PITPNM2: variants seen among roughly 807,000 people sequenced by gnomAD.
PITPNM2 encodes the protein membrane-associated phosphatidylinositol transfer protein 2.
In PITPNM2, 35 loss-of-function variants were observed where a neutral mutation model predicts 132.2. The observed-to-expected ratio is 0.26, with a 90% CI of 0.20 to 0.35. The LOEUF (loss-of-function observed/expected upper bound fraction) is 0.35, where lower values mean the gene tolerates loss of function less well. PITPNM2 is among the 10% of genes least tolerant of loss of function. The pLI is 1.00. For missense variants in PITPNM2, 1,332 were observed against 1,912.0 expected, an observed-to-expected ratio of 0.70 and a Z score of 5.66; for synonymous variants, 738 against 799.2, an observed-to-expected ratio of 0.92 and a Z score of 1.29.
chr12:123,055,891 G>GACACAC (rs34425339), intron 2 of PITPNM2, among the ~76,000 whole-genome samples: 1 of 148,954 alleles, frequency 6.7e-6, no homozygotes, highest in African/African-American at 2.5e-5. Context: ...ATAGTTTGAA[G>GACACAC]ACACACACAC....
At chr12:123,034,299 C>T (rs1354738918) in intron 3 of PITPNM2, 3 of 533,072 alleles carry the variant, frequency 5.6e-6, no homozygotes, top group South Asian at 3.0e-5. Flanking sequence ...GACACAGTGC[C>T]GGAAAGCAAT....
At chr12:123,101,290 T>G (rs946924802) in intron 2 of PITPNM2, among the ~76,000 whole-genome samples, 1 of 152,238 alleles carries the variant, frequency 6.6e-6, no homozygotes, top group Non-Finnish European at 1.5e-5. Context: ...CAACCTGTGA[T>G]GCAGGACAAG....
At position 122,996,407 on chromosome 12, in the gene PITPNM2, C is replaced by G. The variant is rs763277364; in HGVS notation, c.1782+51G>C. ...ACAGGCAGGGCAGCCACCCTGGGGG[C>G]GTGCAGGAGGCTTCAGGCCTTGGGG... On this transcript the variant is annotated intron_variant, in intron 13 of 25. Transcript: ENST00000320201. The G allele has an allele frequency of 3.1e-6, 5 of 1,602,310 alleles. No homozygotes were observed. The South Asian group carries it at 4.5e-5, about 14-fold the overall frequency.
intron 2 of PITPNM2, among the ~76,000 whole-genome samples, chr12:123,053,393 CATCCCCATTTAAACTAACAGTT>C (rs999449356): frequency 1.3e-5 from 2 of 151,104 alleles, no homozygotes; most frequent in Admixed American, 1.3e-4. Flanking sequence ...TTCATTTTGA[CATCCCCATTTAAACTAACAGTT>C]ATTTAGATTT....
intron 2 of PITPNM2, among the ~76,000 whole-genome samples, chr12:123,066,188 C>T (rs896394509): frequency 6.6e-6 from 1 of 152,134 alleles, no homozygotes; most frequent in African/African-American, 2.4e-5. Flanking sequence ...GTGATGTATC[C>T]GAGAGGAGCT....
At chr12:123,132,110 G>A (rs2043277976) in intron 1 of PITPNM2, among the ~76,000 whole-genome samples, 1 of 152,214 alleles carries the variant, frequency 6.6e-6, no homozygotes, top group African/African-American at 2.4e-5. Flanking sequence ...CTGCAGCTGT[G>A]GATGCCAGGG....
At position 123,089,481 on chromosome 12, in the gene PITPNM2, G is replaced by A. The variant is rs924021191; in HGVS notation, c.-96+20904C>T. Reference sequence around the variant, plus strand: ...TAGATCCTTCTTCCTACTAGTGGGAGATGGATCCCAGTGGTGAGAAAAAAG... The same window carrying A: ...TAGATCCTTCTTCCTACTAGTGGGAAATGGATCCCAGTGGTGAGAAAAAAG... On this transcript the variant is annotated intron_variant, in intron 2 of 25. Coordinates refer to ENST00000320201, the MANE Select transcript of PITPNM2 (RefSeq NM_020845.3). 3 of 152,198 alleles carry A rather than the reference G, an allele frequency of 2.0e-5. No individual in the cohort carries two copies. The East Asian group carries it at 5.8e-4, about 29-fold the overall frequency. The allele number at this position is 152,198 out of a possible 1,614,324, so 9.4% of individuals were successfully genotyped here. A position where few individuals can be genotyped will look rare whatever the true frequency, so the allele number is the denominator to read the frequency against.
intron 2 of PITPNM2, among the ~76,000 whole-genome samples, chr12:123,055,183 G>A (rs1201254257): frequency 2.0e-5 from 3 of 152,194 alleles, no homozygotes; most frequent in Non-Finnish European, 4.4e-5. Context: ...CTGAAGTCTC[G>A]AAGTCTGTCC....
chr12:123,013,886 T>C lies in PITPNM2; in HGVS notation c.235A>G (p.Lys79Glu), dbSNP rs754477858. ...TCCTCCACCACCCGCAGGGCTGCCT[T>C]GGGCAGGATGGAGCGGAACCAGCTG... is the stretch of plus-strand genomic sequence containing the variant. ...IPSWFRSILP[K>E]AALRVVEESW... Residue 79 changes from lysine to glutamate, a missense_variant, in exon 4 of 26, where the codon AAG (lysine) becomes GAG (glutamate). Physicochemically the swap from Lys to Glu is moderately conservative, Grantham distance 56. This residue lies in a region of PITPNM2 where 83 missense variants were observed against 118.7 expected (regional missense o/e 0.70). Coordinates refer to ENST00000320201, the MANE Select transcript of PITPNM2 (RefSeq NM_020845.3). 6.2e-7 allele frequency: 1 copy of C among 1,614,226 alleles called. No individual in the cohort carries two copies. The highest frequency in any genetic ancestry group is 8.5e-7 in the Non-Finnish European group (1 of 1,180,038).
In PITPNM2 at chr12:123,150,263, C is replaced by A. The variant is rs115532040; in HGVS notation, c.-200+490G>T. ...GCACTGAGGATGGAGACGGGCCACA[C>A]CCCAACCCTGGGCCCCCGACAAGCA... On this transcript the variant is annotated intron_variant, in intron 1 of 25. Coordinates refer to ENST00000320201, the MANE Select transcript of PITPNM2 (RefSeq NM_020845.3). This position sits in a 1 kb window ranked among gnomAD's most constrained non-coding sequence, Gnocchi z 6.0. Among the ~76,000 whole-genome samples the A allele has an allele frequency of 0.02, 3,111 of 151,868 alleles. 120 individuals are homozygous for A. The highest frequency in any genetic ancestry group is 0.072 in the African/African-American group (2,971 of 41,486).
intron 1 of PITPNM2, among the ~76,000 whole-genome samples, chr12:123,133,626 GATA>G (rs2043310787): frequency 6.6e-6 from 1 of 152,268 alleles, no homozygotes; most frequent in East Asian, 1.9e-4. Context: ...AATCTTCCAT[GATA>G]ATGTTTGGAA....
intron 3 of PITPNM2, among the ~76,000 whole-genome samples, chr12:123,030,692 CAAA>C (rs36106584): frequency 3.8e-5 from 4 of 104,750 alleles, no homozygotes; most frequent in African/African-American, 3.7e-5. Context: ...GACTCCATCT[CAAA>C]AAAAAAAAAA....
chr12:123,098,201 C>T (rs1482952566), intron 2 of PITPNM2, among the ~76,000 whole-genome samples: 2 of 152,128 alleles, frequency 1.3e-5, no homozygotes, highest in South Asian at 2.1e-4. Flanking sequence ...CTGGGATGAG[C>T]GCTGGCCCAC....
chr12:123,020,659 C>A (rs570069037), intron 3 of PITPNM2, among the ~76,000 whole-genome samples: 1 of 151,990 alleles, frequency 6.6e-6, no homozygotes, highest in South Asian at 2.1e-4. Context: ...AGGTACTTAG[C>A]GGCTTTATGA....
intron 2 of PITPNM2, among the ~76,000 whole-genome samples, chr12:123,054,154 CA>C (rs1235926977): frequency 6.6e-6 from 1 of 152,068 alleles, no homozygotes; most frequent in African/African-American, 2.4e-5. Context: ...TACACTCTGT[CA>C]CCCAGACTGG....
Position 122,995,780 on chromosome 12 carries a change from C to A in PITPNM2, c.1783-120G>T. ...GCCAAGCGGCCACTGTCCAGCCGGC[C>A]TCTTGCCAAACCAGAGGGGAGGGCC... On this transcript the variant is annotated intron_variant, in intron 13 of 25. Coordinates refer to ENST00000320201, the MANE Select transcript of PITPNM2 (RefSeq NM_020845.3). 4.4e-6 allele frequency: 6 copies of A among 1,360,678 alleles called. No individual in the cohort carries two copies. The South Asian group carries it at 9.0e-5, about 20-fold the overall frequency. 84.3% of individuals were successfully genotyped at this position (1,360,678 alleles called of 1,614,324 possible). A position where few individuals can be genotyped will look rare whatever the true frequency, so the allele number is the denominator to read the frequency against.
rs1046543317 is a variant in PITPNM2, at chr12:122,989,895, C to T, written c.2623G>A (p.Ala875Thr). 6 of 1,322,544 alleles carry T rather than the reference C, an allele frequency of 4.5e-6. No homozygotes were observed. The highest frequency in any genetic ancestry group is 5.8e-6 in the Non-Finnish European group (6 of 1,031,914). The allele number at this position is 1,322,544 out of a possible 1,614,324, so 81.9% of individuals were successfully genotyped here. The change falls in exon 18 of 26, where the codon GCC becomes ACC. Residue 875 changes from alanine (A) to threonine (T), a missense_variant. Ala to Thr is a moderately conservative substitution (Grantham distance 58, BLOSUM62 0). Transcript: ENST00000320201. ...GTGGTGGGGCTGGGGGCGGGCAGGGCGAGCAGGGACAGACGCCTGACGCTG... is the reference window on the plus strand; with the variant it reads ...GTGGTGGGGCTGGGGGCGGGCAGGGTGAGCAGGGACAGACGCCTGACGCTG... ...TPSVRRLSLLALPAPSPTTPG... is the reference protein window; with the variant it reads ...TPSVRRLSLLTLPAPSPTTPG...
intron 2 of PITPNM2, among the ~76,000 whole-genome samples, chr12:123,065,073 G>A (rs2041369028): frequency 6.6e-6 from 1 of 152,178 alleles, no homozygotes; most frequent in Admixed American, 6.5e-5. Context: ...GCAGGCACTT[G>A]CCACCCACAG....
At chr12:123,151,752 A>G (rs1045692545), upstream of PITPNM2, among the ~76,000 whole-genome samples, 1 of 152,176 alleles carries the variant, frequency 6.6e-6, no homozygotes, top group Admixed American at 6.5e-5. Context: ...CATTCCTTAA[A>G]AACATGAGGT....
Sources: gnomAD v4.1 joint callset for allele counts (sites outside exome capture counted in the v4.1 genomes callset) on GRCh38, gnomAD v4.1.1 for gene constraint, gnomAD v4.1.1 regional missense constraint, Gnocchi (gnomAD v3.1) non-coding constraint, MANE v1.5 for transcripts, NCBI Gene and HGNC (gene_info 2026-07-23, HGNC 2026-07-21) for gene names.